NCBP1: variants seen among roughly 807,000 people sequenced by gnomAD.
NCBP1 encodes nuclear cap-binding protein subunit 1.
In NCBP1, 16 loss-of-function variants were observed where a neutral mutation model predicts 111.7. That is an observed-to-expected ratio of 0.14 (90% CI 0.10 to 0.22). The LOEUF (loss-of-function observed/expected upper bound fraction) is 0.22, where lower values mean the gene tolerates loss of function less well. Ranked by LOEUF, NCBP1 falls within the 10% of genes least tolerant of loss-of-function variation. The probability of loss-of-function intolerance (pLI) is 1.00; values close to 1 mark genes in which losing one functional copy is unlikely to be tolerated. For missense variants in NCBP1, 607 were observed against 957.5 expected (o/e 0.63, Z 4.83); for synonymous variants, 304 against 314.3 (o/e 0.97, Z 0.35).
At chr9:97,657,552 C>A (rs1176146174) in intron 14 of NCBP1, among the ~76,000 whole-genome samples, 2 of 152,134 alleles carry the variant, frequency 1.3e-5, no homozygotes, top group Non-Finnish European at 2.9e-5. Context: ...TCTACCTTAA[C>A]CTCACCATTT....
At position 97,662,052 on chromosome 9, in the gene NCBP1, C is replaced by T; in HGVS notation, c.1611C>T (p.Phe537=). The T allele has an allele frequency of 6.2e-7, 1 of 1,610,516 alleles. No homozygotes were observed. Among genetic ancestry groups the T allele is most frequent in the East Asian group, 2.2e-5 (1 of 44,838 alleles). Residue 537 remains phenylalanine (F), a synonymous_variant, in exon 17 of 23, where the codon TTC becomes TTT. Transcript: ENST00000375147. ...TAAAATATTTTTCAGATGAAGGATT[C>T]AGTTTTAACCCATTGAAAATAGAAG... The part of the protein sequence containing the change: ...PNQDDDDDEG[F]SFNPLKIEVF...
chr9:97,669,906 ACCCCCCCAACAACCCCCCG>A, intron 22 of NCBP1, 200 bp downstream of exon 22: 1 of 586,752 alleles, frequency 1.7e-6, no homozygotes, highest in South Asian at 1.8e-5. Context: ...CCTAATTGCC[ACCCCCCCAACAACCCCCCG>A]CCCCACCTTT....
In NCBP1 at chr9:97,672,363, A is replaced by T. The variant is rs1462129722; in HGVS notation, c.*1164A>T. The T allele has an allele frequency of 1.3e-5, 2 of 152,152 alleles. No individual in the cohort carries two copies. Among genetic ancestry groups the T allele is most frequent in the African/African-American group, 4.8e-5 (2 of 41,438 alleles). 9.4% of individuals were successfully genotyped at this position (152,152 alleles called of 1,614,324 possible). A position where few individuals can be genotyped will look rare whatever the true frequency, so the allele number is the denominator to read the frequency against. On this transcript the variant is annotated 3_prime_UTR_variant, in exon 23 of 23. Transcript: ENST00000375147. ...TGCATTAAGCGTTTTGCATATTTTGATATATTTTTGCTTTGGTTTACCATA... is the reference window on the plus strand; with the variant it reads ...TGCATTAAGCGTTTTGCATATTTTGTTATATTTTTGCTTTGGTTTACCATA...
intron 1 of NCBP1, among the ~76,000 whole-genome samples, chr9:97,639,287 A>AC (rs982269803): frequency 2.0e-5 from 3 of 151,820 alleles, no homozygotes; most frequent in South Asian, 2.1e-4. Flanking sequence ...CCTTTATAAT[A>AC]CCCCCCCTCA....
intron 1 of NCBP1, among the ~76,000 whole-genome samples, chr9:97,636,361 G>A (rs1319843327): frequency 6.6e-6 from 1 of 151,196 alleles, no homozygotes; most frequent in African/African-American, 2.4e-5. Flanking sequence ...ATGCATCTGA[G>A]CATTTCTGGA....
At chr9:97,661,813 G>A (rs1236875862) in intron 16 of NCBP1, among the ~76,000 whole-genome samples, 4 of 143,164 alleles carry the variant, frequency 2.8e-5, no homozygotes, top group Non-Finnish European at 6.0e-5. Flanking sequence ...TTCAAGGAAT[G>A]GATGATAGAA....
intron 11 of NCBP1, among the ~76,000 whole-genome samples, chr9:97,654,662 T>C (rs977529603): frequency 3.9e-5 from 6 of 152,094 alleles, no homozygotes; most frequent in African/African-American, 1.4e-4. Context: ...GTGATGAAAA[T>C]ATTATCTTGA....
chr9:97,646,934 T>A (rs140571516), intron 6 of NCBP1, among the ~76,000 whole-genome samples: 1 of 150,452 alleles, frequency 6.6e-6, no homozygotes. Flanking sequence ...CACACTGTTC[T>A]TCACTTGGCT....
chr9:97,671,400 T>C lies in NCBP1; in HGVS notation c.*201T>C. 1 of 522,430 alleles carries C rather than the reference T, an allele frequency of 1.9e-6. No homozygotes were observed. The highest frequency in any genetic ancestry group is 3.4e-6 in the Non-Finnish European group (1 of 292,574). 32.4% of individuals were successfully genotyped at this position (522,430 alleles called of 1,614,324 possible). A position where few individuals can be genotyped will look rare whatever the true frequency, so the allele number is the denominator to read the frequency against. On this transcript the variant is annotated 3_prime_UTR_variant, in exon 23 of 23. Transcript: ENST00000375147. ...TACTTCCTAACGGCAGTAATGTGAC[T>C]ATGACCATGATATATTATATATGTG...
At chr9:97,647,951 A>AT in intron 7 of NCBP1, 57 bp from the exon 8 acceptor site, 1 of 1,390,312 alleles carries the variant, frequency 7.2e-7, no homozygotes, top group Non-Finnish European at 9.9e-7. Context: ...TGATTTTTTC[A>AT]TTTTGTCTAG....
At chr9:97,638,690 C>T (rs892997605) in intron 1 of NCBP1, among the ~76,000 whole-genome samples, 7 of 152,212 alleles carry the variant, frequency 4.6e-5, no homozygotes, top group African/African-American at 7.2e-5. Context: ...AATACGGTTT[C>T]TTAACATCAG....
chr9:97,637,088 G>A (rs1041851370), intron 1 of NCBP1, among the ~76,000 whole-genome samples: 4 of 152,062 alleles, frequency 2.6e-5, no homozygotes, highest in African/African-American at 2.4e-5. Context: ...TGAGTGAGGG[G>A]GAAGTTGTAG....
chr9:97,641,531 T>C, intron 2 of NCBP1, 31 bp from the exon 3 acceptor site: 1 of 1,522,874 alleles, frequency 6.6e-7, no homozygotes, highest in Non-Finnish European at 8.9e-7. Context: ...GCTGAGTACT[T>C]GACAGATATT....
intron 3 of NCBP1, among the ~76,000 whole-genome samples, chr9:97,642,554 C>A (rs1030904624): frequency 1.9e-4 from 29 of 152,036 alleles, no homozygotes; most frequent in African/African-American, 7.0e-4. Context: ...TATTGTAATC[C>A]TTTCCCATAC....
rs553665038 is a variant in NCBP1 at position 97,640,985 on chromosome 9, G to T, written c.123+103G>T. The stretch of plus-strand genomic sequence containing the variant: ...AAAAGTTGGACTACATTTTGGCAAA[G>T]CTGGTATTACCATGCATCTGTATCC... On this transcript the variant is annotated intron_variant, in intron 2 of 22. Transcript: ENST00000375147. 2.2e-5 allele frequency: 18 copies of T among 807,056 alleles called. No homozygotes were observed. In the South Asian group the frequency reaches 3.0e-4, roughly 13 times the overall value. The allele number at this position is 807,056 out of a possible 1,614,324, so 50.0% of individuals were successfully genotyped here.
chr9:97,650,461 G>C (rs200948717), intron 8 of NCBP1, 42 bp from the exon 9 acceptor site: 3 of 1,429,460 alleles, frequency 2.1e-6, no homozygotes, highest in African/African-American at 2.9e-5. Context: ...AAAGAAATCT[G>C]TTTTCTAGGC....
chr9:97,661,216 T>C, intron 16 of NCBP1, 148 bp downstream of exon 16: 11 of 846,072 alleles, frequency 1.3e-5, no homozygotes, highest in Non-Finnish European at 1.9e-5. Context: ...CCCAGGTATT[T>C]TCCCCTTATA....
chr9:97,640,938 C>T (rs2131333916), intron 2 of NCBP1, 56 bp downstream of exon 2: 2 of 1,310,522 alleles, frequency 1.5e-6, no homozygotes, highest in East Asian at 5.1e-5. Context: ...GTTAACTGTG[C>T]TTTGATTAAT....
At chr9:97,642,257 A>G (rs909473741) in intron 3 of NCBP1, among the ~76,000 whole-genome samples, 3 of 152,116 alleles carry the variant, frequency 2.0e-5, no homozygotes, top group Non-Finnish European at 4.4e-5. Flanking sequence ...ATGGAGTAGT[A>G]TTTACACTTA....
Sources: allele counts gnomAD v4.1 joint callset (sites outside exome capture counted in the v4.1 genomes callset), GRCh38; gene constraint gnomAD v4.1.1; transcripts MANE v1.5; gene names NCBI Gene and HGNC (gene_info 2026-07-23, HGNC 2026-07-21).